RNF216: variants seen among roughly 807,000 people sequenced by gnomAD.
RNF216 encodes the protein ring finger protein 216, also known as E3 ubiquitin-protein ligase RNF216.
RNF216 carries 72 observed loss-of-function variants against 110.8 expected under a neutral mutation model. The ratio of observed to expected loss-of-function variants is 0.65; its 90% CI spans 0.54 to 0.79. RNF216 has a LOEUF of 0.79. Among genes scored for constraint, RNF216 ranks in the 30% least tolerant of loss-of-function variants. The probability of loss-of-function intolerance (pLI) is 0.00; values close to 1 mark genes in which losing one functional copy is unlikely to be tolerated. For synonymous variants in RNF216, 495 were observed against 407.5 expected, an observed-to-expected ratio of 1.21 and a Z score of -2.59; for missense variants, 1,342 against 1,141.2, an observed-to-expected ratio of 1.18 and a Z score of -2.54.
chr7:5,679,902 C>T (rs1385648406), intron 13 of RNF216, among the ~76,000 whole-genome samples: 3 of 152,142 alleles, frequency 2.0e-5, no homozygotes, highest in East Asian at 1.9e-4. Context: ...GTGAGCCAGG[C>T]GGCTCCACAG....
chr7:5,627,795 C>T (rs1224226210), intron 15 of RNF216, among the ~76,000 whole-genome samples: 1 of 151,772 alleles, frequency 6.6e-6, no homozygotes, highest in Non-Finnish European at 1.5e-5. Context: ...CTCAGACTCT[C>T]CCCTGATAAA....
chr7:5,776,665 T>C (rs571653202), intron 1 of RNF216, among the ~76,000 whole-genome samples: 28 of 145,566 alleles, frequency 1.9e-4, no homozygotes, highest in Admixed American at 1.3e-3. Context: ...GGAATAGCCA[T>C]ATCAAGCTAA....
rs915664290 is a variant in RNF216, at chr7:5,624,562, C to G, written c.2383-437G>C. On this transcript the variant is annotated intron_variant, in intron 15 of 16. Coordinates refer to ENST00000389902, the MANE Select transcript of RNF216 (RefSeq NM_207111.4). The surrounding 1 kb of genome is among the most constrained non-coding windows in gnomAD (Gnocchi z 4.4). ...AGCCTGGAAAAGTCTTGCAGATGTC[C>G]TCAACTGAGATGGACAAATGTCCAG... Among the ~76,000 whole-genome samples the G allele has an allele frequency of 1.3e-5, 2 of 152,234 alleles. No individual in the cohort carries two copies. The highest frequency in any genetic ancestry group is 4.8e-5 in the African/African-American group (2 of 41,460).
rs190154117 is a variant in RNF216 at position 5,621,452 on chromosome 7, T to C, written c.*1408A>G. On this transcript the variant is annotated 3_prime_UTR_variant, in exon 17 of 17. Transcript: ENST00000389902. The stretch of plus-strand genomic sequence containing the variant: ...AGGCGGGAGCCACCGCGCCGGGCCA[T>C]CTTAGATCTTAGAGCCCACTTTAGT... The C allele has an allele frequency of 4.0e-3, 605 of 152,340 alleles. 1 individual carries two copies. Among genetic ancestry groups the C allele is most frequent in the Non-Finnish European group, 6.2e-3 (420 of 68,066 alleles). The allele number at this position is 152,340 out of a possible 1,614,324, so 9.4% of individuals were successfully genotyped here.
At chr7:5,664,716 C>A (rs1408743778) in intron 13 of RNF216, among the ~76,000 whole-genome samples, 1 of 152,222 alleles carries the variant, frequency 6.6e-6, no homozygotes, top group African/African-American at 2.4e-5. Context: ...CCCCCACTGG[C>A]CAGCATTCTC....
intron 13 of RNF216, among the ~76,000 whole-genome samples, chr7:5,663,196 C>A (rs1344596245): frequency 6.6e-6 from 1 of 152,122 alleles, no homozygotes; most frequent in East Asian, 1.9e-4. Flanking sequence ...CACATCTTTT[C>A]CAAATGCCAG....
At chr7:5,693,672 G>A (rs1791464597) in intron 13 of RNF216, among the ~76,000 whole-genome samples, 1 of 152,136 alleles carries the variant, frequency 6.6e-6, no homozygotes, top group Non-Finnish European at 1.5e-5. Flanking sequence ...TTTGATAAGA[G>A]GAAATTCCCC....
chr7:5,764,221 A>C (rs1584601758), intron 1 of RNF216, among the ~76,000 whole-genome samples: 1 of 152,092 alleles, frequency 6.6e-6, no homozygotes, highest in Admixed American at 6.6e-5. Flanking sequence ...AAAAAAAAAA[A>C]AAAACAGATA....
chr7:5,684,094 CTTTTTTTTT>C (rs10608511), intron 13 of RNF216, among the ~76,000 whole-genome samples: 6 of 61,844 alleles, frequency 9.7e-5, no homozygotes, highest in African/African-American at 2.9e-4. Flanking sequence ...GCTGGGCCTT[CTTTTTTTTT>C]TTTTTTTTTT....
At chr7:5,689,999 A>G (rs1791233170) in intron 13 of RNF216, among the ~76,000 whole-genome samples, 1 of 151,710 alleles carries the variant, frequency 6.6e-6, no homozygotes, top group Non-Finnish European at 1.5e-5. Context: ...TTATTTGCCG[A>G]GTTCACCTGT....
At chr7:5,750,947 T>TA (rs1276613327) in intron 3 of RNF216, among the ~76,000 whole-genome samples, 13 of 152,138 alleles carry the variant, frequency 8.5e-5, no homozygotes, top group Admixed American at 4.6e-4. Context: ...TGCACACAGA[T>TA]AAAACACAGC....
chr7:5,663,655 C>T (rs1237712756), intron 13 of RNF216, among the ~76,000 whole-genome samples: 1 of 149,014 alleles, frequency 6.7e-6, no homozygotes, highest in African/African-American at 2.5e-5. Context: ...AATCGCAGCA[C>T]TTTGGGAGGC....
chr7:5,661,011 G>A (rs1789101204), intron 13 of RNF216, among the ~76,000 whole-genome samples: 1 of 126,320 alleles, frequency 7.9e-6, no homozygotes, highest in Non-Finnish European at 1.6e-5. Context: ...AGTAAATTCC[G>A]ACTCACTGCA....
At chr7:5,657,366 G>A (rs1387218569) in intron 13 of RNF216, among the ~76,000 whole-genome samples, 11 of 152,112 alleles carry the variant, frequency 7.2e-5, no homozygotes, top group Admixed American at 4.6e-4. Flanking sequence ...TTGGGAGTTC[G>A]AGACCAGCCT....
intron 5 of RNF216, among the ~76,000 whole-genome samples, chr7:5,736,683 C>G (rs1794430258): frequency 6.6e-6 from 1 of 151,888 alleles, no homozygotes; most frequent in African/African-American, 2.4e-5. Flanking sequence ...AGGAGCGTCT[C>G]TGCCGGGCCA....
chr7:5,773,435 G>A (rs2128682374), intron 1 of RNF216, among the ~76,000 whole-genome samples: 1 of 152,208 alleles, frequency 6.6e-6, no homozygotes, highest in Non-Finnish European at 1.5e-5. Flanking sequence ...TAGAGACAAT[G>A]TTTCACCATG....
At chr7:5,751,978 G>C (rs1017488258) in intron 3 of RNF216, among the ~76,000 whole-genome samples, 4 of 152,000 alleles carry the variant, frequency 2.6e-5, no homozygotes, top group Non-Finnish European at 4.4e-5. Context: ...ACGAGGTCAG[G>C]AGTTCAAGAC....
intron 13 of RNF216, among the ~76,000 whole-genome samples, chr7:5,701,327 G>T (rs1791956375): frequency 6.6e-6 from 1 of 152,160 alleles, no homozygotes; most frequent in Non-Finnish European, 1.5e-5. Flanking sequence ...TTCCCTGATG[G>T]GATTTTCCAC....
At chr7:5,711,901 T>A (rs766367830) in intron 12 of RNF216, 62 bp from the exon 13 acceptor site, 1 of 1,429,978 alleles carries the variant, frequency 7.0e-7, no homozygotes, top group East Asian at 2.3e-5. Flanking sequence ...TGGTTCCAGC[T>A]CCATGTGGCT....
Sources: gnomAD v4.1 joint callset for allele counts (sites outside exome capture counted in the v4.1 genomes callset) on GRCh38, gnomAD v4.1.1 for gene constraint, Gnocchi (gnomAD v3.1) non-coding constraint, MANE v1.5 for transcripts, NCBI Gene and HGNC (gene_info 2026-07-23, HGNC 2026-07-21) for gene names.